ACOT12: variants seen among roughly 807,000 people sequenced by gnomAD.
ACOT12 encodes acyl-CoA thioesterase 12.
A neutral mutation model predicts 67.7 loss-of-function variants in ACOT12; 51 were observed. The ratio of observed to expected loss-of-function variants is 0.75; its 90% CI spans 0.60 to 0.95. ACOT12 has a LOEUF of 0.95. ACOT12 is among the 40% of genes least tolerant of loss of function. ACOT12 has a pLI of 0.00. For synonymous variants in ACOT12, 251 were observed against 244.6 expected (o/e 1.03, Z -0.24); for missense variants, 734 against 708.1 (o/e 1.04, Z -0.41).
In ACOT12 at chr5:81,393,986, A is replaced by AC. The variant is rs1296548631; in HGVS notation, c.127+1dup. On this transcript the variant is annotated splice_donor_variant, in intron 1 of 14. Transcript: ENST00000307624. LOFTEE classifies it high-confidence loss of function. Reference sequence around the variant, plus strand: ...CTCCCCGCAGCCCCGGCGCCCGCCTACCCGCCAGGCAGGCGGTGGTGTCGA... The same window carrying AC: ...CTCCCCGCAGCCCCGGCGCCCGCCTACCCCGCCAGGCAGGCGGTGGTGTCGA... 7.3e-7 allele frequency: 1 copy of AC among 1,361,118 alleles called. No individual in the cohort carries two copies. The highest frequency in any genetic ancestry group is 3.5e-5 in the Admixed American group (1 of 28,294). 84.3% of individuals were successfully genotyped at this position (1,361,118 alleles called of 1,614,324 possible).
At chr5:81,387,088 C>T (rs1760748860) in intron 1 of ACOT12, among the ~76,000 whole-genome samples, 1 of 150,258 alleles carries the variant, frequency 6.7e-6, no homozygotes, top group Non-Finnish European at 1.5e-5. Context: ...TCATTTCAAC[C>T]TCCACCTCCT....
chr5:81,334,925 G>A (rs540044373), intron 12 of ACOT12, among the ~76,000 whole-genome samples: 1 of 152,268 alleles, frequency 6.6e-6, no homozygotes, highest in African/African-American at 2.4e-5. Flanking sequence ...AGGCTAATAG[G>A]AGCAGGGACA....
At chr5:81,373,261 G>A (rs899340964) in intron 2 of ACOT12, among the ~76,000 whole-genome samples, 1 of 152,192 alleles carries the variant, frequency 6.6e-6, no homozygotes, top group African/African-American at 2.4e-5. Flanking sequence ...GAAGTGCAAG[G>A]GGTCAGGGGA....
chr5:81,324,989 C>T, the ACOT12 span, among the ~76,000 whole-genome samples: 5 of 152,050 alleles, frequency 3.3e-5, no homozygotes, highest in African/African-American at 4.8e-5. Flanking sequence ...GAAAAAGTAT[C>T]GTTTTATTTT....
intron 1 of ACOT12, among the ~76,000 whole-genome samples, chr5:81,393,521 G>A (rs930741081): frequency 2.0e-5 from 3 of 152,036 alleles, no homozygotes; most frequent in African/African-American, 7.2e-5. Context: ...GGGCAACATA[G>A]TGAGACCCCA....
At chr5:81,333,048 G>C (rs1350578894) in intron 12 of ACOT12, among the ~76,000 whole-genome samples, 1 of 147,456 alleles carries the variant, frequency 6.8e-6, no homozygotes, top group Non-Finnish European at 1.5e-5. Flanking sequence ...CAGCTTAGGT[G>C]ACACAGTGAG....
At position 81,393,267 on chromosome 5, in the gene ACOT12, CT is replaced by C. The variant is rs1166759342; in HGVS notation, c.127+720del. ...CTTTATCACCACTCCTCTCGCTACA[CT>C]TTTGTTCTTGTGGAAAATAGTTATT... is the stretch of plus-strand genomic sequence containing the variant. On this transcript the variant is annotated intron_variant, in intron 1 of 14. Transcript: ENST00000307624. Among the ~76,000 whole-genome samples the C allele has an allele frequency of 2.0e-5, 3 of 152,174 alleles. 1 individual carries two copies. Among genetic ancestry groups the C allele is most frequent in the Admixed American group, 1.3e-4 (2 of 15,266 alleles).
At chr5:81,310,592 C>G in the ACOT12 span, among the ~76,000 whole-genome samples, 2 of 152,096 alleles carry the variant, frequency 1.3e-5, no homozygotes, top group African/African-American at 2.4e-5. Context: ...AGTGTTTGAT[C>G]ATTAAGTGAA....
At position 81,359,890 on chromosome 5, in the gene ACOT12, T is replaced by C. The variant is rs13163821; in HGVS notation, c.496+13A>G. 0.19 allele frequency: 307,456 copies of C among 1,595,970 alleles called. 31,991 individuals carry two copies. Among genetic ancestry groups the C allele is most frequent in the Non-Finnish European group, 0.21 (249,896 of 1,173,118 alleles). On this transcript the variant is annotated intron_variant, in intron 5 of 14. Transcript: ENST00000307624. ...GTTATAGAATTAAAATTCTTATAAG[T>C]GGATTTACTGACCATCAAATTTGCT...
chr5:81,388,150 T>A (rs1760778305), intron 1 of ACOT12, among the ~76,000 whole-genome samples: 1 of 152,170 alleles, frequency 6.6e-6, no homozygotes, highest in Non-Finnish European at 1.5e-5. Context: ...ATAGTGATTT[T>A]GACTATAGAA....
intron 1 of ACOT12, among the ~76,000 whole-genome samples, chr5:81,387,048 C>T (rs6872684): frequency 0.2 from 28,610 of 146,456 alleles, 3,566 homozygotes; most frequent in African/African-American, 0.35. Context: ...CACTGTCACC[C>T]AGGCTGGAGT....
chr5:81,369,827 G>A (rs753210695), intron 3 of ACOT12, among the ~76,000 whole-genome samples: 1 of 152,204 alleles, frequency 6.6e-6, no homozygotes, highest in Non-Finnish European at 1.5e-5. Context: ...CAGGAGACAG[G>A]CCAAGCCCAG....
the ACOT12 span, among the ~76,000 whole-genome samples, chr5:81,312,236 C>T: frequency 6.6e-6 from 1 of 152,182 alleles, no homozygotes; most frequent in Non-Finnish European, 1.5e-5. Flanking sequence ...TTGCTGTTTA[C>T]AGACTCTTGG....
chr5:81,312,477 T>C, the ACOT12 span: 8 of 1,275,036 alleles, frequency 6.3e-6, no homozygotes, highest in Non-Finnish European at 5.6e-6. Flanking sequence ...CCCAAACCAA[T>C]AACAATCTGA....
At chr5:81,370,840 G>C (rs371063557) in intron 3 of ACOT12, among the ~76,000 whole-genome samples, 3 of 152,286 alleles carry the variant, frequency 2.0e-5, no homozygotes, top group South Asian at 4.1e-4. Context: ...AGAGATTGAA[G>C]GGACTGATCC....
At chr5:81,359,808 G>T in intron 5 of ACOT12, 95 bp downstream of exon 5, 1 of 1,338,878 alleles carries the variant, frequency 7.5e-7, no homozygotes, top group Non-Finnish European at 1.0e-6. Flanking sequence ...AGGACTGAAT[G>T]GTAATAATAA....
the ACOT12 span, among the ~76,000 whole-genome samples, chr5:81,322,887 C>G: frequency 1.3e-5 from 2 of 151,876 alleles, no homozygotes; most frequent in African/African-American, 4.8e-5. Context: ...GAGAACAGCA[C>G]GGGAGAATTC....
At chr5:81,345,746 A>G in intron 7 of ACOT12, 139 bp downstream of exon 7, 1 of 1,140,626 alleles carries the variant, frequency 8.8e-7, no homozygotes, top group Non-Finnish European at 1.2e-6. Flanking sequence ...GGTTAAAAAT[A>G]TGTTCATGGA....
chr5:81,326,142 T>TG (rs1758670354), downstream of ACOT12, among the ~76,000 whole-genome samples: 1 of 144,176 alleles, frequency 6.9e-6, no homozygotes, highest in African/African-American at 2.7e-5. Context: ...TTTTTTTTTT[T>TG]GTGAGTCGAA....
Sources: allele counts gnomAD v4.1 joint callset (sites outside exome capture counted in the v4.1 genomes callset), GRCh38; gene constraint gnomAD v4.1.1; transcripts MANE v1.5; gene names NCBI Gene and HGNC (gene_info 2026-07-23, HGNC 2026-07-21).